Variants in WWOX observed in about 807,000 individuals in gnomAD.
WWOX encodes WW domain-containing oxidoreductase.
A neutral mutation model predicts 46.2 loss-of-function variants in WWOX; 69 were observed. The ratio of observed to expected loss-of-function variants is 1.49; its 90% CI spans 1.23 to 1.82. The LOEUF (loss-of-function observed/expected upper bound fraction) is 1.82. WWOX is among the 40% of genes most tolerant of loss of function. The pLI is 0.00. For missense variants in WWOX, 919 were observed against 542.6 expected (o/e 1.69, Z -6.89); for synonymous variants, 359 against 202.6 (o/e 1.77, Z -6.56).
intron 8 of WWOX, among the ~76,000 whole-genome samples, chr16:78,711,041 C>A (rs905862316): frequency 6.0e-4 from 91 of 152,322 alleles, no homozygotes; most frequent in African/African-American, 2.1e-3. Context: ...ACCTAACCAA[C>A]ACCCGACAGG....
chr16:79,062,454 C>G (rs2048372711), intron 8 of WWOX, among the ~76,000 whole-genome samples: 1 of 152,118 alleles, frequency 6.6e-6, no homozygotes, highest in African/African-American at 2.4e-5. Context: ...GTTGAGGACA[C>G]TTCCCGGTGC....
chr16:78,412,731 C>T (rs369572152), intron 6 of WWOX, among the ~76,000 whole-genome samples: 45 of 152,182 alleles, frequency 3.0e-4, no homozygotes, highest in Non-Finnish European at 4.4e-4. Flanking sequence ...AGCCACTCCT[C>T]GCCAGGCAGT....
chr16:79,187,506 T>C (rs1444562103), intron 8 of WWOX, among the ~76,000 whole-genome samples: 1 of 152,216 alleles, frequency 6.6e-6, no homozygotes, highest in Non-Finnish European at 1.5e-5. Flanking sequence ...GTTCAAGCGA[T>C]TCTCCTGCCT....
chr16:78,888,339 G>C (rs537372682), intron 8 of WWOX, among the ~76,000 whole-genome samples: 2 of 152,286 alleles, frequency 1.3e-5, no homozygotes, highest in South Asian at 4.2e-4. Flanking sequence ...TTCCTTCTCA[G>C]AACTGAAATC....
chr16:78,379,029 G>T (rs1198959009), intron 5 of WWOX, among the ~76,000 whole-genome samples: 1 of 152,152 alleles, frequency 6.6e-6, no homozygotes, highest in East Asian at 1.9e-4. Context: ...ACACGTATCT[G>T]TGTCTTACTA....
At chr16:78,344,164 CGGGCA>C (rs60303781) in intron 5 of WWOX, among the ~76,000 whole-genome samples, 65,777 of 116,498 alleles carry the variant, frequency 0.56, 26,153 homozygotes, top group South Asian at 0.71. Flanking sequence ...GCATCATCCT[CGGGCA>C]GGTGCAGGGG....
chr16:78,204,169 G>GA (rs1249032472), intron 5 of WWOX, among the ~76,000 whole-genome samples: 1 of 152,206 alleles, frequency 6.6e-6, no homozygotes, highest in African/African-American at 2.4e-5. Context: ...TATTTGGAGA[G>GA]AACAAGAATG....
At chr16:78,677,829 G>C (rs1322419391) in intron 8 of WWOX, among the ~76,000 whole-genome samples, 1 of 152,154 alleles carries the variant, frequency 6.6e-6, no homozygotes. Flanking sequence ...TTTCCTTTAT[G>C]GTGTCCTTCT....
chr16:78,670,364 T>A (rs1223514078), intron 8 of WWOX, among the ~76,000 whole-genome samples: 1 of 152,198 alleles, frequency 6.6e-6, no homozygotes, highest in African/African-American at 2.4e-5. Context: ...CCCTGGTTCA[T>A]CCCGGAAATA....
intron 8 of WWOX, chr16:79,203,630 T>G (rs1017559223): frequency 6.6e-6 from 1 of 151,854 alleles, no homozygotes; most frequent in Non-Finnish European, 1.5e-5. Flanking sequence ...AAATCCTCCC[T>G]GCTCACAAAA....
rs146973364 is a variant in WWOX, at chr16:78,492,817, G to C, written c.1056+60065G>C. The stretch of plus-strand genomic sequence containing the variant: ...TTTGTAGCCTTTTGACAAATTTCTG[G>C]GGGCCTCATGCCTGCTAGGCCGAAT... On this transcript the variant is annotated intron_variant, in intron 8 of 8. Coordinates refer to ENST00000566780, the MANE Select transcript of WWOX (RefSeq NM_016373.4). Among the ~76,000 whole-genome samples, 279 of 152,116 alleles carry C rather than the reference G, an allele frequency of 1.8e-3. 1 individual carries two copies. The highest frequency in any genetic ancestry group is 6.5e-3 in the African/African-American group (270 of 41,508).
At chr16:78,463,938 G>A (rs1469499678) in intron 8 of WWOX, among the ~76,000 whole-genome samples, 1 of 152,168 alleles carries the variant, frequency 6.6e-6, no homozygotes, top group Non-Finnish European at 1.5e-5. Flanking sequence ...TGCTGGTGGA[G>A]CTGCCTTTCC....
chr16:79,012,793 C>G (rs781053222), intron 8 of WWOX, among the ~76,000 whole-genome samples: 11 of 152,202 alleles, frequency 7.2e-5, no homozygotes, highest in Non-Finnish European at 1.2e-4. Context: ...TCGGTGCAGC[C>G]TTCTGTTTTC....
chr16:78,255,810 A>G (rs1359387971), intron 5 of WWOX, among the ~76,000 whole-genome samples: 1 of 152,174 alleles, frequency 6.6e-6, no homozygotes, highest in Non-Finnish European at 1.5e-5. Flanking sequence ...AGGTCTTATT[A>G]TTCTCATTTT....
intron 8 of WWOX, among the ~76,000 whole-genome samples, chr16:78,759,047 T>C (rs2142481323): frequency 6.6e-6 from 1 of 152,202 alleles, no homozygotes; most frequent in Non-Finnish European, 1.5e-5. Flanking sequence ...TCCCTTTCTA[T>C]TTTTGTGGGT....
intron 8 of WWOX, among the ~76,000 whole-genome samples, chr16:78,734,049 G>C (rs965702717): frequency 6.6e-6 from 1 of 151,114 alleles, no homozygotes; most frequent in African/African-American, 2.4e-5. Flanking sequence ...GATAAAGTAA[G>C]ATCCTGTCTG....
chr16:78,212,816 T>A (rs2036598777), intron 5 of WWOX, among the ~76,000 whole-genome samples: 1 of 152,146 alleles, frequency 6.6e-6, no homozygotes, highest in South Asian at 2.1e-4. Context: ...GAACTTGAAC[T>A]GCTTAAAATG....
chr16:78,545,266 A>C (rs2044000787), intron 8 of WWOX, among the ~76,000 whole-genome samples: 1 of 152,158 alleles, frequency 6.6e-6, no homozygotes, highest in Non-Finnish European at 1.5e-5. Flanking sequence ...GCCCCAACTC[A>C]GGGATGTTGT....
At chr16:78,186,208 C>T (rs972383269) in intron 5 of WWOX, among the ~76,000 whole-genome samples, 2 of 151,160 alleles carry the variant, frequency 1.3e-5, no homozygotes. Flanking sequence ...AATAAAATAT[C>T]ATTGAAGTTC....
Sources: gnomAD v4.1 joint callset for allele counts (sites outside exome capture counted in the v4.1 genomes callset) on GRCh38, gnomAD v4.1.1 for gene constraint, MANE v1.5 for transcripts, NCBI Gene and HGNC (gene_info 2026-07-23, HGNC 2026-07-21) for gene names.